ROS1: variants seen among roughly 807,000 people sequenced by gnomAD.
The protein encoded by ROS1 is ROS proto-oncogene 1, receptor tyrosine kinase, also known as proto-oncogene tyrosine-protein kinase ROS.
ROS1 carries 263 observed loss-of-function variants against 273.5 expected under a neutral mutation model. That is an observed-to-expected ratio of 0.96 (90% CI 0.87 to 1.06). The LOEUF (loss-of-function observed/expected upper bound fraction) is 1.06. ROS1 is among the 50% of genes least tolerant of loss of function. The probability of loss-of-function intolerance (pLI) is 0.00; values close to 1 mark genes in which losing one functional copy is unlikely to be tolerated. For synonymous variants in ROS1, 1,008 were observed against 954.1 expected (o/e 1.06, Z -1.04); for missense variants, 2,833 against 2,751.1 (o/e 1.03, Z -0.67).
chr6:117,300,933 A>T (rs2128536435), intron 43 of ROS1, 41 bp downstream of exon 43: 1 of 1,482,912 alleles, frequency 6.7e-7, no homozygotes. Context: ...TTCAGTTCAC[A>T]GTGCAGCGAA....
chr6:117,321,170 T>C (rs895463342), intron 36 of ROS1, 89 bp downstream of exon 36: 1 of 1,415,920 alleles, frequency 7.1e-7, no homozygotes, highest in Non-Finnish European at 9.6e-7. Context: ...ACCATGACTG[T>C]CTTGGGCAAT....
rs764130341 is a variant in ROS1, at chr6:117,409,619, A to G, written c.279T>C (p.Cys93=). The G allele has an allele frequency of 6.2e-7, 1 of 1,613,960 alleles. No individual in the cohort carries two copies. The highest frequency in any genetic ancestry group is 8.5e-7 in the Non-Finnish European group (1 of 1,179,910). Reference sequence around the variant, plus strand: ...CTTCATATGCACCTTCCGCGCTGCTACAGCCAACCTCACACGACTCCCGCT... The same window carrying G: ...CTTCATATGCACCTTCCGCGCTGCTGCAGCCAACCTCACACGACTCCCGCT... ...VCERESCEVG[C]SSAEGAYEEE... The change falls in exon 5 of 44, where the codon TGT becomes TGC. Residue 93 remains cysteine, a synonymous_variant. Transcript: ENST00000368507.
chr6:117,412,804 G>T (rs1268183226), intron 4 of ROS1, among the ~76,000 whole-genome samples: 1 of 152,148 alleles, frequency 6.6e-6, no homozygotes, highest in Non-Finnish European at 1.5e-5. Context: ...GATTAACAAA[G>T]AATTAGCACA....
chr6:117,387,709 G>T, intron 14 of ROS1, 71 bp downstream of exon 14: 1 of 1,509,676 alleles, frequency 6.6e-7, no homozygotes, highest in Non-Finnish European at 8.9e-7. Context: ...CCAAGGCAAG[G>T]AAATTTAAAG....
chr6:117,411,500 A>G (rs193249678), intron 4 of ROS1, among the ~76,000 whole-genome samples: 10 of 152,192 alleles, frequency 6.6e-5, no homozygotes, highest in Admixed American at 6.5e-4. Flanking sequence ...CCCACAGTGG[A>G]GGCCAAGTAT....
chr6:117,412,832 G>T (rs1342610548), intron 4 of ROS1, among the ~76,000 whole-genome samples: 1 of 152,044 alleles, frequency 6.6e-6, no homozygotes, highest in African/African-American at 2.4e-5. Context: ...TCTAATCCTG[G>T]GCTGCTTCGA....
chr6:117,365,592 C>G lies in ROS1; in HGVS notation c.2947G>C (p.Ala983Pro), dbSNP rs1562320184. Residue 983 changes from alanine (A) to proline (P), a missense_variant, in exon 20 of 44, where the codon GCT (alanine) becomes CCT (proline). Coordinates refer to ENST00000368507, the MANE Select transcript of ROS1 (RefSeq NM_001378902.1). ...GVVFYSVEFS[A>P]HSKFLASEQH... ...AACCAACACCATACCTTAGAATGAG[C>G]ACTAAATTCTACACTGTAGAAAACT... 1 of 1,612,980 alleles carries G rather than the reference C, an allele frequency of 6.2e-7. No individual in the cohort carries two copies. The highest frequency in any genetic ancestry group is 8.5e-7 in the Non-Finnish European group (1 of 1,179,060).
Position 117,396,102 on chromosome 6 carries a change from T to C in ROS1, c.883+86A>G, listed in dbSNP as rs928139846. ...GGCAGAAGAGGTGGGTCTTGAGGTC[T>C]ACCAGGTGACCCAGGGCTTCTGGCT... is the stretch of plus-strand genomic sequence containing the variant. On this transcript the variant is annotated intron_variant, in intron 9 of 43. Transcript: ENST00000368507. 1.8e-5 allele frequency: 16 copies of C among 906,102 alleles called. No individual in the cohort carries two copies. The African/African-American group carries it at 2.5e-4, about 14-fold the overall frequency. The allele number at this position is 906,102 out of a possible 1,614,324, so 56.1% of individuals were successfully genotyped here.
intron 17 of ROS1, among the ~76,000 whole-genome samples, chr6:117,382,480 T>C (rs1772233634): frequency 6.6e-6 from 1 of 152,174 alleles, no homozygotes; most frequent in Non-Finnish European, 1.5e-5. Flanking sequence ...TTAAGGGATA[T>C]ATTAGGTAGA....
At chr6:117,385,983 A>G in intron 15 of ROS1, 122 bp from the exon 16 acceptor site, 2 of 741,284 alleles carry the variant, frequency 2.7e-6, no homozygotes, top group East Asian at 2.6e-5. Flanking sequence ...CATATTCACT[A>G]GAACTTGATC....
At chr6:117,384,030 G>A (rs576133175) in intron 16 of ROS1, among the ~76,000 whole-genome samples, 2 of 152,178 alleles carry the variant, frequency 1.3e-5, no homozygotes, top group East Asian at 3.9e-4. Flanking sequence ...TTTTTTCACA[G>A]GTAAAGTGGA....
Position 117,310,245 on chromosome 6 carries a change from T to A in ROS1, c.6252A>T (p.Lys2084Asn). ...TCACTATCCGTGGACTGGTATAGTCTTTCACGGAAACAAGGCAATTTCTAG... is the reference window on the plus strand; with the variant it reads ...TCACTATCCGTGGACTGGTATAGTCATTCACGGAAACAAGGCAATTTCTAG... Reference protein sequence around the residue: ...LAARNCLVSVKDYTSPRIVKI... With the variant: ...LAARNCLVSVNDYTSPRIVKI... The change falls in exon 41 of 44, where the codon AAA becomes AAT. Residue 2084 changes from lysine to asparagine, a missense_variant. Transcript: ENST00000368507. 6.2e-7 allele frequency: 1 copy of A among 1,610,278 alleles called. No individual in the cohort carries two copies. Among genetic ancestry groups the A allele is most frequent in the Non-Finnish European group, 8.5e-7 (1 of 1,177,998 alleles).
chr6:117,408,733 T>C (rs1461191318), intron 5 of ROS1, among the ~76,000 whole-genome samples: 5 of 152,174 alleles, frequency 3.3e-5, no homozygotes, highest in African/African-American at 1.2e-4. Context: ...CAAAGGATTA[T>C]AAATCATGCT....
intron 43 of ROS1, among the ~76,000 whole-genome samples, chr6:117,292,782 A>G (rs760861815): frequency 2.6e-5 from 4 of 152,128 alleles, no homozygotes; most frequent in Non-Finnish European, 5.9e-5. Flanking sequence ...GATTTTTACC[A>G]ACTTTCTCCT....
At chr6:117,315,966 T>C (rs1488734760) in intron 39 of ROS1, among the ~76,000 whole-genome samples, 1 of 152,126 alleles carries the variant, frequency 6.6e-6, no homozygotes, top group Non-Finnish European at 1.5e-5. Flanking sequence ...ACAAGAGATA[T>C]TTATTAAACT....
chr6:117,373,622 G>A (rs1781062186), intron 18 of ROS1, among the ~76,000 whole-genome samples: 1 of 152,194 alleles, frequency 6.6e-6, no homozygotes, highest in East Asian at 1.9e-4. Flanking sequence ...ACTCGTGCTG[G>A]CCTGCGACCA....
intron 8 of ROS1, 40 bp from the exon 9 acceptor site, chr6:117,396,304 C>T: frequency 7.3e-7 from 1 of 1,369,086 alleles, no homozygotes; most frequent in Non-Finnish European, 1.0e-6. Flanking sequence ...TTTCACATGG[C>T]ATGGTGTGAA....
intron 42 of ROS1, among the ~76,000 whole-genome samples, chr6:117,307,329 T>C (rs1327455099): frequency 1.3e-5 from 2 of 151,936 alleles, no homozygotes; most frequent in Admixed American, 6.6e-5. Flanking sequence ...GGGGAGAGAG[T>C]GGCATAAGCC....
intron 2 of ROS1, among the ~76,000 whole-genome samples, chr6:117,417,051 C>T (rs1256266362): frequency 6.6e-6 from 1 of 152,002 alleles, no homozygotes; most frequent in African/African-American, 2.4e-5. Context: ...TCTCCCGGAG[C>T]GAGTTCATCC....
Sources: gnomAD v4.1 joint callset for allele counts (sites outside exome capture counted in the v4.1 genomes callset) on GRCh38, gnomAD v4.1.1 for gene constraint, MANE v1.5 for transcripts, NCBI Gene and HGNC (gene_info 2026-07-23, HGNC 2026-07-21) for gene names.